The following SLC12A9 variants were observed in gnomAD, a reference collection of about 807,000 sequenced individuals.
SLC12A9 encodes the protein CCC-interacting protein 1.
In SLC12A9, 55 loss-of-function variants were observed where a neutral mutation model predicts 66.0. That is an observed-to-expected ratio of 0.83 (90% CI 0.67 to 1.04). The LOEUF is 1.04. SLC12A9 is among the 50% of genes least tolerant of loss of function. The probability of loss-of-function intolerance (pLI) is 0.00; values close to 1 mark genes in which losing one functional copy is unlikely to be tolerated. For missense variants in SLC12A9, 1,061 were observed against 1,241.9 expected, an observed-to-expected ratio of 0.85 and a Z score of 2.19; for synonymous variants, 577 against 569.0, an observed-to-expected ratio of 1.01 and a Z score of -0.20.
At chr7:100,838,458 T>C (rs1813712719) in intron 1 of SLC12A9, among the ~76,000 whole-genome samples, 1 of 152,158 alleles carries the variant, frequency 6.6e-6, no homozygotes, top group Admixed American at 6.5e-5. Context: ...GAGGCCACAT[T>C]ACAGGCATGG....
intron 1 of SLC12A9, among the ~76,000 whole-genome samples, chr7:100,839,437 A>G (rs1308474786): frequency 6.6e-6 from 1 of 152,094 alleles, no homozygotes; most frequent in Non-Finnish European, 1.5e-5. Flanking sequence ...GTGTCTGAGG[A>G]GTTTTCTGCG....
At chr7:100,833,790 G>A (rs933632422) in intron 1 of SLC12A9, among the ~76,000 whole-genome samples, 3 of 151,758 alleles carry the variant, frequency 2.0e-5, no homozygotes, top group Admixed American at 6.6e-5. Context: ...AAAATTAGCC[G>A]GGTGTGGTGG....
chr7:100,861,967 T>C lies in SLC12A9; in HGVS notation c.1711+56T>C. 1 of 1,476,570 alleles carries C rather than the reference T, an allele frequency of 6.8e-7. No homozygotes were observed. The highest frequency in any genetic ancestry group is 9.0e-7 in the Non-Finnish European group (1 of 1,111,152). 91.5% of individuals were successfully genotyped at this position (1,476,570 alleles called of 1,614,324 possible). A position where few individuals can be genotyped will look rare whatever the true frequency, so the allele number is the denominator to read the frequency against. On this transcript the variant is annotated intron_variant, in intron 12 of 13. Transcript: ENST00000354161. The surrounding 1 kb of genome is among the most constrained non-coding windows in gnomAD (Gnocchi z 5.3). ...CCCATCCTTCTCTCCCCCTACCTTT[T>C]TTTTTTTTTTGAGATGGAGCTTCGT... is the stretch of plus-strand genomic sequence containing the variant.
At chr7:100,836,585 C>T (rs1813663832) in intron 1 of SLC12A9, among the ~76,000 whole-genome samples, 1 of 152,162 alleles carries the variant, frequency 6.6e-6, no homozygotes, top group Non-Finnish European at 1.5e-5. Context: ...ACCCTCCCTC[C>T]CCAGGATCCA....
upstream of SLC12A9, among the ~76,000 whole-genome samples, chr7:100,851,876 C>T (rs1220851009): frequency 6.6e-6 from 1 of 151,314 alleles, no homozygotes; most frequent in Non-Finnish European, 1.5e-5. Context: ...GTACCTACCT[C>T]ACAGAGTGGC....
At chr7:100,854,433 G>A (rs1814261366) in intron 2 of SLC12A9, 55 bp downstream of exon 2, 1 of 1,599,208 alleles carries the variant, frequency 6.3e-7, no homozygotes, top group African/African-American at 1.4e-5. Context: ...GGACATGATG[G>A]GGAGGGGTGG....
At chr7:100,829,508 C>T (rs2247447) in intron 1 of SLC12A9, among the ~76,000 whole-genome samples, 33,610 of 149,236 alleles carry the variant, frequency 0.23, 4,715 homozygotes, top group East Asian at 0.58. Context: ...GTCCTGCGCC[C>T]GGGTTGGGGG....
At chr7:100,827,758 G>A (rs1437040668) in intron 1 of SLC12A9, among the ~76,000 whole-genome samples, 1 of 152,198 alleles carries the variant, frequency 6.6e-6, no homozygotes, top group East Asian at 1.9e-4. Flanking sequence ...CCAGATGTGC[G>A]CCGTGGCGGT....
intron 1 of SLC12A9, among the ~76,000 whole-genome samples, chr7:100,853,673 T>G (rs1814211773): frequency 6.6e-6 from 1 of 151,434 alleles, no homozygotes; most frequent in Non-Finnish European, 1.5e-5. Flanking sequence ...GCGATTCTCG[T>G]GTCTCAGCCT....
intron 1 of SLC12A9, among the ~76,000 whole-genome samples, chr7:100,839,517 C>T (rs1275978322): frequency 6.6e-6 from 1 of 152,196 alleles, no homozygotes; most frequent in Non-Finnish European, 1.5e-5. Flanking sequence ...CGAGGCAGCT[C>T]CTTAGGCGGC....
At chr7:100,854,487 G>T in intron 2 of SLC12A9, 109 bp downstream of exon 2, 1 of 1,590,120 alleles carries the variant, frequency 6.3e-7, no homozygotes, top group Non-Finnish European at 8.6e-7. Flanking sequence ...CAAGAGAAGC[G>T]GTTGGCTGAA....
At chr7:100,865,601 A>G in intron 13 of SLC12A9, 118 bp from the exon 14 acceptor site, 7 of 1,563,680 alleles carry the variant, frequency 4.5e-6, no homozygotes, top group Non-Finnish European at 6.1e-6. Context: ...GCCCGTACAC[A>G]GTGGGAATGT....
rs1814586607 is a variant in SLC12A9, at chr7:100,859,145, A to G, written c.961A>G (p.Ser321Gly). 1 of 1,613,700 alleles carries G rather than the reference A, an allele frequency of 6.2e-7. No individual in the cohort carries two copies. Among genetic ancestry groups the G allele is most frequent in the Admixed American group, 1.7e-5 (1 of 59,978 alleles). The change falls in exon 7 of 14, where the codon AGC becomes GGC. Residue 321 changes from serine to glycine, a missense_variant. Coordinates refer to ENST00000354161, the MANE Select transcript of SLC12A9 (RefSeq NM_020246.4). ...FVYVLLFFLS[S>G]FTCDRTLLQE... ...CTATGTCCTGCTTTTCTTTCTCTCC[A>G]GCTTCACTTGTGACAGGTGTCTGGG...
intron 1 of SLC12A9, among the ~76,000 whole-genome samples, chr7:100,836,929 G>T (rs944703102): frequency 6.6e-6 from 1 of 152,144 alleles, no homozygotes; most frequent in Non-Finnish European, 1.5e-5. Flanking sequence ...AATTCTGAGA[G>T]TGCCATTAGA....
chr7:100,862,621 T>C, intron 12 of SLC12A9, 60 bp from the exon 13 acceptor site: 1 of 1,599,690 alleles, frequency 6.3e-7, no homozygotes, highest in Non-Finnish European at 8.6e-7. Context: ...TGATTTGGAC[T>C]CTAGGAGACA....
chr7:100,834,570 G>T (rs1017254790), intron 1 of SLC12A9, among the ~76,000 whole-genome samples: 1 of 152,234 alleles, frequency 6.6e-6, no homozygotes, highest in Middle Eastern at 3.4e-3. Flanking sequence ...GTGCACGCAT[G>T]TATGGAGCCG....
rs1815073769 is a variant in SLC12A9 at position 100,866,146 on chromosome 7, T to C, written c.2286T>C (p.His762=). ...TCTTGGGCATGGTGCCCGCTTGGCA[T>C]AGCGCCCGGCTCCGGATCTTCCTGT... The part of the protein sequence containing the change: ...ATILGMVPAW[H]SARLRIFLCL... Residue 762 remains histidine (H), a synonymous_variant, in exon 14 of 14, where the codon CAT becomes CAC. Coordinates refer to ENST00000354161, the MANE Select transcript of SLC12A9 (RefSeq NM_020246.4). The surrounding 1 kb of genome is among the most constrained non-coding windows in gnomAD (Gnocchi z 7.3). 1.9e-6 allele frequency: 3 copies of C among 1,612,710 alleles called. No homozygotes were observed. In the Admixed American group the frequency reaches 5.0e-5, roughly 27 times the overall value.
intron 1 of SLC12A9, among the ~76,000 whole-genome samples, chr7:100,845,153 C>T (rs1813880552): frequency 6.6e-6 from 1 of 151,496 alleles, no homozygotes; most frequent in African/African-American, 2.4e-5. Context: ...AGGAAGACTG[C>T]ATGGTGGACT....
At chr7:100,860,884 C>G in intron 9 of SLC12A9, 1 of 600,848 alleles carries the variant, frequency 1.7e-6, no homozygotes, top group East Asian at 3.4e-5. Context: ...TGGGGATACA[C>G]TGGCACTTTT....
Sources: allele counts gnomAD v4.1 joint callset (sites outside exome capture counted in the v4.1 genomes callset), GRCh38; gene constraint gnomAD v4.1.1; non-coding constraint Gnocchi (gnomAD v3.1); transcripts MANE v1.5; gene names NCBI Gene and HGNC (gene_info 2026-07-23, HGNC 2026-07-21).